AFF2: variants seen among roughly 807,000 people sequenced by gnomAD.
AFF2 encodes the protein AF4/FMR2 family member 2.
A neutral mutation model predicts 76.9 loss-of-function variants in AFF2; 14 were observed. The observed-to-expected ratio is 0.18, with a 90% CI of 0.12 to 0.28. The LOEUF (loss-of-function observed/expected upper bound fraction) is 0.28, where lower values mean the gene tolerates loss of function less well. Ranked by LOEUF, AFF2 falls within the 10% of genes least tolerant of loss-of-function variation. The probability of loss-of-function intolerance (pLI) is 1.00; values close to 1 mark genes in which losing one functional copy is unlikely to be tolerated. For synonymous variants in AFF2, 398 were observed against 366.7 expected, an observed-to-expected ratio of 1.09 and a Z score of -0.98; for missense variants, 868 against 1,001.1, an observed-to-expected ratio of 0.87 and a Z score of 1.79.
At chrX:148,805,314 G>A (rs1273263090) in intron 3 of AFF2, among the ~76,000 whole-genome samples, 1 of 111,404 alleles carries the variant, frequency 9.0e-6, no homozygotes, top group Non-Finnish European at 1.9e-5. Flanking sequence ...TAGACTAGTG[G>A]ACTATGATTG....
chrX:148,637,989 ATC>A lies in AFF2; in HGVS notation c.48-14006_48-14005del, dbSNP rs782790376. Among the ~76,000 whole-genome samples, 3 of 109,530 alleles carry A rather than the reference ATC, an allele frequency of 2.7e-5. No homozygotes were observed. In the East Asian group the frequency reaches 8.7e-4, roughly 32 times the overall value. ...CCAGGAACTTGCCCCAGGTCACACA[ATC>A]TCTAAATGGCAGAATCACTCTCGGA... On this transcript the variant is annotated intron_variant, in intron 1 of 20. Coordinates refer to ENST00000370460, the MANE Select transcript of AFF2 (RefSeq NM_002025.4).
intron 1 of AFF2, among the ~76,000 whole-genome samples, chrX:148,559,566 T>G (rs782276129): frequency 9.0e-6 from 1 of 111,439 alleles, no homozygotes; most frequent in East Asian, 2.8e-4. Context: ...AGAATGATGG[T>G]TTCCAGCGTC....
At chrX:148,584,988 T>C (rs1242078520) in intron 1 of AFF2, among the ~76,000 whole-genome samples, 1 of 111,746 alleles carries the variant, frequency 8.9e-6, no homozygotes, top group Non-Finnish European at 1.9e-5. Context: ...ATTAAATCTT[T>C]CCAAATTCAG....
At chrX:148,919,459 T>G (rs1194395047) in intron 9 of AFF2, among the ~76,000 whole-genome samples, 1 of 111,250 alleles carries the variant, frequency 9.0e-6, no homozygotes, top group Non-Finnish European at 1.9e-5. Context: ...GAATTGGATT[T>G]GTCTTTCAAG....
At chrX:148,978,025 A>G in intron 17 of AFF2, 21 bp downstream of exon 17, 1 of 1,130,173 alleles carries the variant, frequency 8.8e-7, no homozygotes, top group Non-Finnish European at 1.2e-6. Context: ...TGGAGGCCAC[A>G]AGGAAATTGC....
In AFF2 at chrX:148,998,545, A is replaced by G. The variant is rs897424162; in HGVS notation, c.*7213A>G. ...GTCCAATTGTATAACTTTGTGGAGCAGTGTTTTGACCTTTGATACATAATT... is the reference window on the plus strand; with the variant it reads ...GTCCAATTGTATAACTTTGTGGAGCGGTGTTTTGACCTTTGATACATAATT... On this transcript the variant is annotated 3_prime_UTR_variant, in exon 21 of 21. Transcript: ENST00000370460. 9.8e-5 allele frequency: 11 copies of G among 111,994 alleles called. No homozygotes were observed. Among genetic ancestry groups the G allele is most frequent in the Non-Finnish European group, 2.1e-4 (11 of 53,135 alleles). The allele number at this position is 111,994 out of a possible 1,213,427, so 9.2% of individuals were successfully genotyped here. A position where few individuals can be genotyped will look rare whatever the true frequency, so the allele number is the denominator to read the frequency against.
In AFF2 at chrX:148,837,683, A is replaced by G. The variant is rs200737572; in HGVS notation, c.1123A>G (p.Met375Val). 5 of 1,199,622 alleles carry G rather than the reference A, an allele frequency of 4.2e-6. No homozygotes were observed. Among genetic ancestry groups the G allele is most frequent in the Non-Finnish European group, 5.6e-6 (5 of 886,308 alleles). ...THSWPTPLTS[M>V]HTAGHSEQST... ...TTCCTGGCCTACTCCTCTCACTTCC[A>G]TGCATACTGCTGGACACTCTGAGCA... is the stretch of plus-strand genomic sequence containing the variant. Residue 375 changes from methionine (M) to valine (V), a missense_variant, in exon 5 of 21, where the codon ATG becomes GTG. This residue lies in a region of AFF2 where 532 missense variants were observed against 564.2 expected (regional missense o/e 0.94). Coordinates refer to ENST00000370460, the MANE Select transcript of AFF2 (RefSeq NM_002025.4).
chrX:148,589,892 C>T (rs1442469320), intron 1 of AFF2, among the ~76,000 whole-genome samples: 1 of 107,433 alleles, frequency 9.3e-6, no homozygotes, highest in Non-Finnish European at 1.9e-5. Context: ...TTATTGTAAC[C>T]GGAAAGGCCA....
At chrX:148,769,010 G>A (rs1485780535) in intron 3 of AFF2, among the ~76,000 whole-genome samples, 3 of 111,541 alleles carry the variant, frequency 2.7e-5, no homozygotes, top group Non-Finnish European at 5.6e-5. Flanking sequence ...CTCATTTAAA[G>A]GTGACAAAAT....
intron 1 of AFF2, among the ~76,000 whole-genome samples, chrX:148,598,770 A>G (rs781950176): frequency 6.2e-5 from 7 of 112,472 alleles, no homozygotes; most frequent in Non-Finnish European, 1.3e-4. Context: ...TTTGCGTTTA[A>G]TGTCTTGAAC....
At chrX:148,851,947 G>C (rs1465812601) in intron 7 of AFF2, among the ~76,000 whole-genome samples, 5 of 109,796 alleles carry the variant, frequency 4.6e-5, no homozygotes, top group Middle Eastern at 4.6e-3. Flanking sequence ...TTAACATTTA[G>C]CTTCCACCTG....
At chrX:148,887,904 T>C (rs1203976735) in intron 8 of AFF2, among the ~76,000 whole-genome samples, 1 of 112,540 alleles carries the variant, frequency 8.9e-6, no homozygotes, top group Non-Finnish European at 1.9e-5. Context: ...TGGAAGGCTA[T>C]AGACCAAAAG....
At chrX:148,607,053 G>A (rs1361913819) in intron 1 of AFF2, among the ~76,000 whole-genome samples, 1 of 111,234 alleles carries the variant, frequency 9.0e-6, no homozygotes, top group Non-Finnish European at 1.9e-5. Flanking sequence ...TAGACGACAA[G>A]ATGTAAAGCA....
At chrX:148,949,011 T>C (rs186796979) in intron 9 of AFF2, among the ~76,000 whole-genome samples, 13 of 110,836 alleles carry the variant, frequency 1.2e-4, no homozygotes, top group Middle Eastern at 4.7e-3. Flanking sequence ...CTCCAACTCA[T>C]TGGTTTTGTA....
chrX:148,636,578 C>A (rs1557253860), intron 1 of AFF2, among the ~76,000 whole-genome samples: 2 of 111,950 alleles, frequency 1.8e-5, no homozygotes, highest in African/African-American at 6.5e-5. Flanking sequence ...AATGATTCAT[C>A]CTTGCAGGAT....
intron 3 of AFF2, among the ~76,000 whole-genome samples, chrX:148,755,246 AATC>A (rs1265941371): frequency 1.8e-5 from 2 of 112,318 alleles, no homozygotes; most frequent in Admixed American, 1.9e-4. Flanking sequence ...TTTGTTTTCA[AATC>A]ATCGTGACGC....
chrX:148,918,657 A>G (rs1569557080), intron 9 of AFF2, among the ~76,000 whole-genome samples: 1 of 112,037 alleles, frequency 8.9e-6, no homozygotes, highest in Non-Finnish European at 1.9e-5. Context: ...TAAATGGAAT[A>G]CATTGAGCCT....
intron 1 of AFF2, among the ~76,000 whole-genome samples, chrX:148,649,264 A>G (rs1443138386): frequency 2.7e-5 from 3 of 112,162 alleles, no homozygotes; most frequent in East Asian, 5.6e-4. Flanking sequence ...GGCTAAATAC[A>G]TAGCTGTGGT....
chrX:148,553,318 A>T (rs1557239215), intron 1 of AFF2, among the ~76,000 whole-genome samples: 2 of 111,984 alleles, frequency 1.8e-5, no homozygotes, highest in African/African-American at 6.5e-5. Flanking sequence ...AGGTAAAAAG[A>T]TACAGGTGAG....
Sources: allele counts gnomAD v4.1 joint callset (sites outside exome capture counted in the v4.1 genomes callset), GRCh38; gene constraint gnomAD v4.1.1; regional missense constraint gnomAD v4.1.1; transcripts MANE v1.5; gene names NCBI Gene and HGNC (gene_info 2026-07-23, HGNC 2026-07-21).